Variants in KLRG1 observed in about 807,000 individuals in gnomAD.
KLRG1 encodes killer cell lectin like receptor G1.
In KLRG1, 16 loss-of-function variants were observed where a neutral mutation model predicts 21.8. That is an observed-to-expected ratio of 0.73 (90% confidence interval 0.50 to 1.11). KLRG1 has a LOEUF of 1.11. Ranked by LOEUF, KLRG1 falls within the 50% of genes most tolerant of loss-of-function variation. The probability of loss-of-function intolerance (pLI) is 0.00; values close to 1 mark genes in which losing one functional copy is unlikely to be tolerated. For synonymous variants in KLRG1, 69 were observed against 75.9 expected, an observed-to-expected ratio of 0.91 and a Z score of 0.47; for missense variants, 173 against 218.3, an observed-to-expected ratio of 0.79 and a Z score of 1.31.
the KLRG1 span, among the ~76,000 whole-genome samples, chr12:9,092,315 G>A: frequency 1.3e-5 from 2 of 152,152 alleles, no homozygotes; most frequent in Non-Finnish European, 2.9e-5. Flanking sequence ...CTAGCTCCAG[G>A]AGTAGATGGA....
chr12:9,163,326 G>A, the KLRG1 span, among the ~76,000 whole-genome samples: 11 of 150,214 alleles, frequency 7.3e-5, no homozygotes, highest in Admixed American at 2.0e-4. Flanking sequence ...TTAGCCAGGC[G>A]CCTGTAGTCC....
chr12:9,038,908 A>AG, the KLRG1 span, among the ~76,000 whole-genome samples: 3 of 151,878 alleles, frequency 2.0e-5, no homozygotes, highest in Non-Finnish European at 4.4e-5. Context: ...TGTCTCAAAA[A>AG]AAAAAAAAAA....
chr12:9,163,097 A>G, the KLRG1 span, among the ~76,000 whole-genome samples: 1 of 151,860 alleles, frequency 6.6e-6, no homozygotes, highest in Admixed American at 6.6e-5. Context: ...GTAGAGAGAA[A>G]ATGGGAAGAG....
chr12:9,113,670 T>C, the KLRG1 span: 2 of 986,000 alleles, frequency 2.0e-6, no homozygotes, highest in Non-Finnish European at 3.0e-6. Context: ...CTGATGAGCA[T>C]GAAATTTGGC....
At chr12:9,200,578 CT>C in the KLRG1 span, 3 of 755,756 alleles carry the variant, frequency 4.0e-6, no homozygotes, top group South Asian at 3.8e-5. Flanking sequence ...AATGTATCAA[CT>C]TTAAGATGGT....
At chr12:8,998,375 A>G (rs1423517671) in intron 3 of KLRG1, among the ~76,000 whole-genome samples, 4 of 151,974 alleles carry the variant, frequency 2.6e-5, no homozygotes, top group Non-Finnish European at 5.9e-5. Context: ...TAAGGCTACA[A>G]ATCTGGCAGA....
chr12:9,159,782 T>C, the KLRG1 span, among the ~76,000 whole-genome samples: 1 of 151,776 alleles, frequency 6.6e-6, no homozygotes, highest in Non-Finnish European at 1.5e-5. Flanking sequence ...TTTTGACTTA[T>C]CAGCCTTCAT....
chr12:9,070,204 C>T, the KLRG1 span, among the ~76,000 whole-genome samples: 3 of 152,100 alleles, frequency 2.0e-5, no homozygotes, highest in Admixed American at 6.5e-5. Context: ...TTCACTGGTT[C>T]GTGTTCATAT....
the KLRG1 span, chr12:9,057,929 C>G: frequency 1.3e-5 from 2 of 152,274 alleles, no homozygotes; most frequent in East Asian, 3.9e-4. Context: ...TGAGCAGAGG[C>G]TCCCAAAAGT....
the KLRG1 span, among the ~76,000 whole-genome samples, chr12:9,208,929 G>A: frequency 6.6e-6 from 1 of 152,138 alleles, no homozygotes; most frequent in Non-Finnish European, 1.5e-5. Context: ...AGTTATCAAA[G>A]ATCACACTTG....
At chr12:8,973,765 A>G (rs73238276) in intron 1 of KLRG1, among the ~76,000 whole-genome samples, 3,114 of 152,262 alleles carry the variant, frequency 0.02, 100 homozygotes, top group African/African-American at 0.07. Flanking sequence ...AAGTCTTTCA[A>G]TTCAACTCTT....
the KLRG1 span, chr12:9,089,251 G>A: frequency 6.3e-7 from 1 of 1,580,768 alleles, no homozygotes; most frequent in Non-Finnish European, 8.6e-7. Flanking sequence ...AGTCCTTCAG[G>A]CTTTAGGTAA....
chr12:9,152,768 G>T, the KLRG1 span: 20 of 1,567,292 alleles, frequency 1.3e-5, no homozygotes, highest in Non-Finnish European at 1.4e-5. Flanking sequence ...ATTAATTTCT[G>T]TTAATTCCAA....
chr12:9,009,145 G>A, intron 4 of KLRG1, 70 bp downstream of exon 4: 3 of 1,192,960 alleles, frequency 2.5e-6, no homozygotes, highest in African/African-American at 1.6e-5. Flanking sequence ...GATACTTGGG[G>A]AATAGATAAA....
At chr12:9,188,978 A>G in the KLRG1 span, among the ~76,000 whole-genome samples, 2 of 152,136 alleles carry the variant, frequency 1.3e-5, no homozygotes, top group East Asian at 3.8e-4. Flanking sequence ...GAATTACAAA[A>G]CACTGCTCAA....
the KLRG1 span, among the ~76,000 whole-genome samples, chr12:9,060,591 A>T: frequency 3.3e-5 from 5 of 152,028 alleles, no homozygotes; most frequent in African/African-American, 1.2e-4. Flanking sequence ...AGATTGCGCC[A>T]TTGCACTCCA....
the KLRG1 span, chr12:9,104,110 A>G: frequency 2.2e-6 from 2 of 916,368 alleles, no homozygotes; most frequent in East Asian, 5.6e-5. Context: ...TTAACCTTCA[A>G]TCGGTTTCTA....
chr12:9,096,974 G>T, the KLRG1 span, among the ~76,000 whole-genome samples: 1 of 152,086 alleles, frequency 6.6e-6, no homozygotes, highest in South Asian at 2.1e-4. Context: ...GTGTTTCATT[G>T]GTAAGACACT....
the KLRG1 span, chr12:9,027,488 T>A: frequency 1.0e-6 from 1 of 972,326 alleles, no homozygotes; most frequent in East Asian, 2.7e-5. Context: ...TCCCTGCCAC[T>A]TCTCTGGCTC....
Sources: allele counts gnomAD v4.1 joint callset (sites outside exome capture counted in the v4.1 genomes callset), GRCh38; gene constraint gnomAD v4.1.1; transcripts MANE v1.5; gene names NCBI Gene and HGNC (gene_info 2026-07-23, HGNC 2026-07-21).